Variants in PLEKHD1 observed in about 807,000 individuals in gnomAD.
PLEKHD1 encodes pleckstrin homology and coiled-coil domain containing D1.
PLEKHD1 carries 51 observed loss-of-function variants against 69.2 expected under a neutral mutation model. The observed-to-expected ratio is 0.74, with a 90% CI of 0.59 to 0.93. The LOEUF (loss-of-function observed/expected upper bound fraction) is 0.93, where lower values mean the gene tolerates loss of function less well. Among genes scored for constraint, PLEKHD1 ranks in the 40% least tolerant of loss-of-function variants. PLEKHD1 has a pLI of 0.00. For missense variants in PLEKHD1, 584 were observed against 641.0 expected, an observed-to-expected ratio of 0.91 and a Z score of 0.96; for synonymous variants, 236 against 244.7, an observed-to-expected ratio of 0.96 and a Z score of 0.33.
chr14:69,525,689 G>A (rs1883628975), intron 8 of PLEKHD1, among the ~76,000 whole-genome samples: 1 of 152,126 alleles, frequency 6.6e-6, no homozygotes, highest in African/African-American at 2.4e-5. Context: ...AAGATCATGC[G>A]ACCCCGTTCT....
Position 69,484,754 on chromosome 14 carries a change from C to A in PLEKHD1, c.-212C>A. The A allele has an allele frequency of 3.6e-6, 2 of 557,200 alleles. No individual in the cohort carries two copies. Among genetic ancestry groups the A allele is most frequent in the Non-Finnish European group, 3.1e-6 (1 of 323,450 alleles). 34.5% of individuals were successfully genotyped at this position (557,200 alleles called of 1,614,324 possible). A position where few individuals can be genotyped will look rare whatever the true frequency, so the allele number is the denominator to read the frequency against. On this transcript the variant is annotated 5_prime_UTR_variant, in exon 1 of 13. Coordinates refer to ENST00000322564, the MANE Select transcript of PLEKHD1 (RefSeq NM_001161498.2). ...GAGTTCCCGCCCGGCCCTCTGCAAT[C>A]CGGAGCCCAAGCCGCCGGCTACGCG... is the stretch of plus-strand genomic sequence containing the variant.
At chr14:69,491,689 G>A (rs1251826619) in intron 1 of PLEKHD1, among the ~76,000 whole-genome samples, 1 of 152,140 alleles carries the variant, frequency 6.6e-6, no homozygotes, top group African/African-American at 2.4e-5. Context: ...CTCCAGATGG[G>A]CTTATCATGA....
At chr14:69,498,201 CCTGAGTAA>C (rs887640419) in intron 1 of PLEKHD1, among the ~76,000 whole-genome samples, 12 of 151,732 alleles carry the variant, frequency 7.9e-5, no homozygotes, top group Admixed American at 2.6e-4. Flanking sequence ...GCCACAGCCT[CCTGAGTAA>C]CTGGGATTAC....
chr14:69,525,551 T>C (rs1181247505), intron 8 of PLEKHD1, among the ~76,000 whole-genome samples: 1 of 152,154 alleles, frequency 6.6e-6, no homozygotes, highest in Non-Finnish European at 1.5e-5. Flanking sequence ...GGTGCAATCA[T>C]AGCTCACTGC....
chr14:69,512,574 G>T (rs1309573517), intron 6 of PLEKHD1, among the ~76,000 whole-genome samples: 1 of 151,926 alleles, frequency 6.6e-6, no homozygotes, highest in African/African-American at 2.4e-5. Flanking sequence ...CACAAATTTT[G>T]ATGAGTTGTA....
At chr14:69,497,596 A>T (rs17764243) in intron 1 of PLEKHD1, among the ~76,000 whole-genome samples, 34,632 of 152,154 alleles carry the variant, frequency 0.23, 4,164 homozygotes, top group Non-Finnish European at 0.27. Flanking sequence ...AGCCACACAA[A>T]CTCCATGTGC....
chr14:69,526,937 C>A (rs1883665237), intron 10 of PLEKHD1, 108 bp downstream of exon 10: 2 of 1,410,150 alleles, frequency 1.4e-6, no homozygotes, highest in Non-Finnish European at 9.3e-7. Flanking sequence ...TCAGTCTGAC[C>A]AGACAGCCAG....
chr14:69,475,665 C>T, the PLEKHD1 span, among the ~76,000 whole-genome samples: 9 of 152,168 alleles, frequency 5.9e-5, no homozygotes, highest in South Asian at 4.1e-4. Flanking sequence ...TGTGCTTCCC[C>T]GCAAGTGAGG....
intron 8 of PLEKHD1, among the ~76,000 whole-genome samples, chr14:69,525,336 C>T (rs780051909): frequency 2.0e-5 from 3 of 152,134 alleles, no homozygotes; most frequent in Non-Finnish European, 4.4e-5. Flanking sequence ...AGCCTTGGAG[C>T]TTGTGGGGCC....
At chr14:69,490,551 G>A (rs190573158) in intron 1 of PLEKHD1, among the ~76,000 whole-genome samples, 1 of 152,192 alleles carries the variant, frequency 6.6e-6, no homozygotes, top group African/African-American at 2.4e-5. Context: ...TTGTCTTACT[G>A]TTGTTGGAAT....
chr14:69,512,538 C>T (rs1883293687), intron 6 of PLEKHD1, among the ~76,000 whole-genome samples: 1 of 151,852 alleles, frequency 6.6e-6, no homozygotes, highest in South Asian at 2.1e-4. Flanking sequence ...ATGCATTTCT[C>T]TCAAAGCACT....
intron 1 of PLEKHD1, among the ~76,000 whole-genome samples, chr14:69,499,224 T>TGC (rs1882965223): frequency 1.1e-5 from 1 of 92,796 alleles, no homozygotes; most frequent in African/African-American, 4.7e-5. Flanking sequence ...CTCTCATACG[T>TGC]GCACACACAC....
At chr14:69,512,675 G>T (rs1420276605) in intron 6 of PLEKHD1, among the ~76,000 whole-genome samples, 7 of 152,054 alleles carry the variant, frequency 4.6e-5, no homozygotes, top group Non-Finnish European at 1.0e-4. Context: ...TAATCTTCAA[G>T]TATTTTGTGG....
the PLEKHD1 span, among the ~76,000 whole-genome samples, chr14:69,472,786 G>A: frequency 1.3e-5 from 2 of 152,132 alleles, no homozygotes; most frequent in Non-Finnish European, 1.5e-5. Context: ...CTATGGCAGG[G>A]GTCCCCAACC....
chr14:69,470,358 G>A, the PLEKHD1 span, among the ~76,000 whole-genome samples: 1 of 151,452 alleles, frequency 6.6e-6, no homozygotes, highest in African/African-American at 2.4e-5. Context: ...AGCTACTCGG[G>A]ATACTGAGGC....
At chr14:69,470,391 A>G in the PLEKHD1 span, among the ~76,000 whole-genome samples, 2 of 150,250 alleles carry the variant, frequency 1.3e-5, no homozygotes, top group African/African-American at 4.9e-5. Context: ...TGAACCCGGG[A>G]GGCAGAGGTT....
rs568782460 is a variant in PLEKHD1, at chr14:69,527,106, G to T, written c.1057-82G>T. On this transcript the variant is annotated intron_variant, in intron 10 of 12. Coordinates refer to ENST00000322564, the MANE Select transcript of PLEKHD1 (RefSeq NM_001161498.2). ...CCCATCCACGCCCATTGAGCCAGGG[G>T]TGACCAAGGAAGGCTTCCAGGGAAG... The T allele has an allele frequency of 1.5e-4, 218 of 1,443,980 alleles. 1 individual carries two copies. The African/African-American group carries it at 2.9e-3, about 19-fold the overall frequency. The allele number at this position is 1,443,980 out of a possible 1,614,324, so 89.4% of individuals were successfully genotyped here. A position where few individuals can be genotyped will look rare whatever the true frequency, so the allele number is the denominator to read the frequency against.
the PLEKHD1 span, among the ~76,000 whole-genome samples, chr14:69,474,708 A>G: frequency 1.3e-5 from 2 of 152,216 alleles, no homozygotes; most frequent in African/African-American, 2.4e-5. Context: ...TCTGACTGCA[A>G]TCCCCATGGC....
chr14:69,495,465 A>G (rs1255164715), intron 1 of PLEKHD1, among the ~76,000 whole-genome samples: 2 of 152,244 alleles, frequency 1.3e-5, no homozygotes, highest in Non-Finnish European at 2.9e-5. Flanking sequence ...TCAGCAAGTC[A>G]TGCCTCCTCT....
Sources: allele counts gnomAD v4.1 joint callset (sites outside exome capture counted in the v4.1 genomes callset), GRCh38; gene constraint gnomAD v4.1.1; transcripts MANE v1.5; gene names NCBI Gene and HGNC (gene_info 2026-07-23, HGNC 2026-07-21).